BBS2: variants seen among roughly 807,000 people sequenced by gnomAD.
BBS2 encodes BBSome complex member BBS2.
In BBS2, 62 loss-of-function variants were observed where a neutral mutation model predicts 83.0. That is an observed-to-expected ratio of 0.75 (90% CI 0.61 to 0.92). The LOEUF (loss-of-function observed/expected upper bound fraction) is 0.92, where lower values mean the gene tolerates loss of function less well. BBS2 is among the 40% of genes least tolerant of loss of function. The probability of loss-of-function intolerance (pLI) is 0.00; values close to 1 mark genes in which losing one functional copy is unlikely to be tolerated. For missense variants in BBS2, 784 were observed against 901.0 expected (o/e 0.87, Z 1.66); for synonymous variants, 303 against 326.1 (o/e 0.93, Z 0.76).
intron 7 of BBS2, among the ~76,000 whole-genome samples, chr16:56,505,245 T>C (rs1193759787): frequency 1.3e-5 from 2 of 152,330 alleles, no homozygotes; most frequent in East Asian, 3.9e-4. Context: ...GAAACCAACA[T>C]AACAGCTTTT....
At chr16:56,479,793 C>T (rs1440438075), downstream of BBS2, among the ~76,000 whole-genome samples, 10 of 152,360 alleles carry the variant, frequency 6.6e-5, no homozygotes, top group Admixed American at 1.3e-4. Context: ...CCACCTTCCC[C>T]TGGATGGATC....
chr16:56,498,676 T>C (rs1463780751), intron 12 of BBS2, 108 bp from the exon 13 acceptor site: 1 of 1,583,926 alleles, frequency 6.3e-7, no homozygotes, highest in African/African-American at 1.4e-5. Flanking sequence ...GGAAGAGTTC[T>C]CCTTCTTTCT....
Position 56,474,694 on chromosome 16 carries a change from T to C in BBS2, c.*1-3999A>G, listed in dbSNP as rs531736817. 316 of 653,876 alleles carry C rather than the reference T, an allele frequency of 4.8e-4. 3 individuals carry two copies. In the South Asian group the frequency reaches 5.8e-3, roughly 12 times the overall value. The allele number at this position is 653,876 out of a possible 1,614,324, so 40.5% of individuals were successfully genotyped here. A position where few individuals can be genotyped will look rare whatever the true frequency, so the allele number is the denominator to read the frequency against. On this transcript the variant is annotated intron_variant, in intron 17 of 17. Transcript: ENST00000682047. The stretch of plus-strand genomic sequence containing the variant: ...CTTTTATAAGGCTGGATTGGTAGAA[T>C]AGCACTTCAATCAAAGGTTTGTGGG...
intron 15 of BBS2, among the ~76,000 whole-genome samples, chr16:56,496,097 C>T (rs1296034105): frequency 6.6e-6 from 1 of 152,058 alleles, no homozygotes; most frequent in East Asian, 1.9e-4. Context: ...ATAATTCAGG[C>T]GTCTCAGGAA....
intron 15 of BBS2, among the ~76,000 whole-genome samples, chr16:56,490,151 A>ACAC (rs1555520686): frequency 5.9e-4 from 88 of 149,560 alleles, no homozygotes; most frequent in South Asian, 1.1e-3. Flanking sequence ...CACACACACA[A>ACAC]AAATAATAAT....
At chr16:56,488,112 A>G (rs1567565901) in intron 15 of BBS2, among the ~76,000 whole-genome samples, 1 of 152,144 alleles carries the variant, frequency 6.6e-6, no homozygotes, top group Non-Finnish European at 1.5e-5. Context: ...ATGAGTGGGG[A>G]AAAAAACAAA....
At chr16:56,503,471 T>C (rs1293165048) in intron 7 of BBS2, among the ~76,000 whole-genome samples, 6 of 152,220 alleles carry the variant, frequency 3.9e-5, no homozygotes, top group Admixed American at 2.0e-4. Flanking sequence ...ACAACCCTGT[T>C]AAGAGTTCCT....
chr16:56,497,831 GACTGGATGATATC>G lies in BBS2; in HGVS notation c.1696_1708del (p.Asp566GlnfsTer13). On this transcript the variant is annotated frameshift_variant, in exon 14 of 17. Coordinates refer to ENST00000245157, the MANE Select transcript of BBS2 (RefSeq NM_031885.5). LOFTEE classifies it high-confidence loss of function. ...TTCAATAGCAAAAAATGATGCCATT[GACTGGATGATATC>G]ACCAGCCAAATCAATATCATCAGTA... 1.2e-6 allele frequency: 2 copies of G among 1,612,690 alleles called. No homozygotes were observed. The highest frequency in any genetic ancestry group is 1.3e-5 in the African/African-American group (1 of 74,926).
At chr16:56,470,552 G>A (rs370136242) in exon 18 of BBS2, 207 of 1,613,968 alleles carry the variant, frequency 1.3e-4, no homozygotes, top group Admixed American at 4.3e-4. Flanking sequence ...AAGTTATTTC[G>A]CTCTGAGGCA....
intron 2 of BBS2, 40 bp downstream of exon 2, chr16:56,514,413 T>C (rs1964672257): frequency 3.8e-6 from 6 of 1,564,674 alleles, no homozygotes; most frequent in Non-Finnish European, 2.6e-6. Context: ...TGGACATTAA[T>C]GAGTAATGAC....
At chr16:56,476,025 C>T (rs201453273) in intron 17 of BBS2, 2 of 1,600,766 alleles carry the variant, frequency 1.2e-6, no homozygotes, top group Non-Finnish European at 8.5e-7. Context: ...TGATGTGTCA[C>T]TGTATTTGTC....
chr16:56,502,205 A>G (rs1964294986), intron 9 of BBS2, 112 bp downstream of exon 9: 3 of 1,459,058 alleles, frequency 2.1e-6, no homozygotes, highest in Non-Finnish European at 2.9e-6. Flanking sequence ...GACAATGGCA[A>G]AAAGGCCACA....
chr16:56,485,788 C>A, intron 15 of BBS2, 50 bp from the exon 16 acceptor site: 1 of 1,594,136 alleles, frequency 6.3e-7, no homozygotes. Flanking sequence ...ATATGGCAAG[C>A]TTAAGAAAAA....
intron 17 of BBS2, among the ~76,000 whole-genome samples, chr16:56,472,925 T>TTTTGG (rs55711786): frequency 0.19 from 28,764 of 151,480 alleles, 2,934 homozygotes; most frequent in Non-Finnish European, 0.24. Context: ...GCTTTTTTTG[T>TTTTGG]TTTGGTTTGG....
chr16:56,473,392 G>T (rs1963294507), intron 17 of BBS2, among the ~76,000 whole-genome samples: 1 of 152,170 alleles, frequency 6.6e-6, no homozygotes, highest in Admixed American at 6.5e-5. Flanking sequence ...GTCCTGTGTT[G>T]AGCATTTAGA....
intron 7 of BBS2, among the ~76,000 whole-genome samples, chr16:56,505,101 C>T (rs1229123545): frequency 6.6e-6 from 1 of 152,200 alleles, no homozygotes; most frequent in Non-Finnish European, 1.5e-5. Context: ...GCCACCCACC[C>T]TATGGTATTT....
At chr16:56,514,847 TCA>T (rs1273606295) in intron 1 of BBS2, among the ~76,000 whole-genome samples, 167 bp from the exon 2 acceptor site, 1 of 152,186 alleles carries the variant, frequency 6.6e-6, no homozygotes, top group Non-Finnish European at 1.5e-5. Flanking sequence ...TGGACAACTT[TCA>T]GTCATTATGA....
intron 12 of BBS2, chr16:56,499,532 G>C (rs1964202043): frequency 2.2e-6 from 1 of 453,468 alleles, no homozygotes; most frequent in African/African-American, 2.0e-5. Flanking sequence ...CGGAAAGAGA[G>C]GAATTAAACA....
intron 5 of BBS2, among the ~76,000 whole-genome samples, chr16:56,509,199 G>A (rs1369820838): frequency 1.3e-5 from 2 of 152,106 alleles, no homozygotes; most frequent in Non-Finnish European, 2.9e-5. Context: ...CCAAGACTAC[G>A]TACAAGTAAC....
Sources: gnomAD v4.1 joint callset for allele counts (sites outside exome capture counted in the v4.1 genomes callset) on GRCh38, gnomAD v4.1.1 for gene constraint, MANE v1.5 for transcripts, NCBI Gene and HGNC (gene_info 2026-07-23, HGNC 2026-07-21) for gene names.